Variants in GRIA2 observed in about 807,000 individuals in gnomAD.
The protein encoded by GRIA2 is glutamate receptor 2.
Under a neutral mutation model 97.3 loss-of-function variants are expected in GRIA2, and 14 were observed. The observed-to-expected ratio is 0.14, with a 90% CI of 0.10 to 0.23. The LOEUF (loss-of-function observed/expected upper bound fraction) is 0.23. GRIA2 is among the 10% of genes least tolerant of loss of function. The probability of loss-of-function intolerance (pLI) is 1.00; values close to 1 mark genes in which losing one functional copy is unlikely to be tolerated. For missense variants in GRIA2, 558 were observed against 1,069.8 expected, an observed-to-expected ratio of 0.52 and a Z score of 6.67; for synonymous variants, 412 against 387.8, an observed-to-expected ratio of 1.06 and a Z score of -0.73.
At chr4:157,335,405 T>C in intron 9 of GRIA2, 2 of 453,348 alleles carry the variant, frequency 4.4e-6, no homozygotes, top group Non-Finnish European at 8.1e-6. Flanking sequence ...CTAGAGAACA[T>C]ACAAAGAGTT....
chr4:157,333,849 A>C (rs143875645), intron 8 of GRIA2, among the ~76,000 whole-genome samples, 161 bp from the exon 9 acceptor site: 6 of 152,190 alleles, frequency 3.9e-5, no homozygotes, highest in Admixed American at 1.3e-4. Flanking sequence ...ACTTCCTTTT[A>C]TTCCTGTTAG....
Position 157,303,797 on chromosome 4 carries a change from T to C in GRIA2, c.469+6T>C. The C allele has an allele frequency of 6.2e-7, 1 of 1,613,110 alleles. No homozygotes were observed. The highest frequency in any genetic ancestry group is 8.5e-7 in the Non-Finnish European group (1 of 1,179,106). On this transcript the variant is annotated splice_donor_region_variant and intron_variant, in intron 3 of 15. Transcript: ENST00000264426. ...CCTCTATGACAGTGACAGAGGTAAG[T>C]GACAGTATCTCATCTCTTTGTAATG...
chr4:157,313,846 C>A (rs986261146), intron 4 of GRIA2, among the ~76,000 whole-genome samples: 7 of 151,988 alleles, frequency 4.6e-5, no homozygotes, highest in African/African-American at 7.3e-5. Context: ...AGAAGCCTTA[C>A]AGATAACACA....
At chr4:157,248,987 AAC>A (rs1216439220) in intron 2 of GRIA2, among the ~76,000 whole-genome samples, 6 of 151,814 alleles carry the variant, frequency 4.0e-5, no homozygotes, top group Admixed American at 1.3e-4. Flanking sequence ...ATAGGCGTGC[AAC>A]ACCACACCTG....
chr4:157,250,663 C>T (rs1173375560), intron 2 of GRIA2, among the ~76,000 whole-genome samples: 1 of 152,046 alleles, frequency 6.6e-6, no homozygotes, highest in African/African-American at 2.4e-5. Flanking sequence ...ATAAACTTCA[C>T]TCCCAAGTTA....
chr4:157,305,896 T>TA (rs1733821146), intron 3 of GRIA2, among the ~76,000 whole-genome samples: 1 of 152,094 alleles, frequency 6.6e-6, no homozygotes, highest in South Asian at 2.1e-4. Flanking sequence ...GGTGTGGCAA[T>TA]AAGCTCCAGG....
chr4:157,306,527 C>G (rs1339036575), intron 3 of GRIA2, among the ~76,000 whole-genome samples: 2 of 151,920 alleles, frequency 1.3e-5, no homozygotes. Flanking sequence ...TATATTAAAG[C>G]CAAAATGACC....
rs531945645 is a variant in GRIA2, at chr4:157,311,340, T to A, written c.470-1339T>A. Among the ~76,000 whole-genome samples, 448 of 152,156 alleles carry A rather than the reference T, an allele frequency of 2.9e-3. 1 individual carries two copies. The highest frequency in any genetic ancestry group is 0.01 in the African/African-American group (425 of 41,566). ...TTTATTATTCTAATTAATATTCAAA[T>A]GTTCCCATCTTTATTTAAAGAGCTC... On this transcript the variant is annotated intron_variant, in intron 3 of 15. Transcript: ENST00000264426.
At position 157,335,756 on chromosome 4, in the gene GRIA2, C is replaced by G. The variant is rs758475518; in HGVS notation, c.1352C>G (p.Ala451Gly). The G allele has an allele frequency of 6.2e-7, 1 of 1,612,334 alleles. No individual in the cohort carries two copies. Among genetic ancestry groups the G allele is most frequent in the Non-Finnish European group, 8.5e-7 (1 of 1,178,676 alleles). Residue 451 changes from alanine to glycine, a missense_variant, in exon 10 of 16, where the codon GCA (alanine) becomes GGA (glycine). By Grantham distance (60) the Ala-to-Gly change is moderately conservative (BLOSUM62 0). Coordinates refer to ENST00000264426, the MANE Select transcript of GRIA2 (RefSeq NM_001083619.3). ...RYEGYCVDLA[A>G]EIAKHCGFKY... ...GAGGGCTACTGTGTTGACCTGGCTGCAGAAATCGCCAAACATTGTGGGTTC... is the reference window on the plus strand; with the variant it reads ...GAGGGCTACTGTGTTGACCTGGCTGGAGAAATCGCCAAACATTGTGGGTTC...
intron 6 of GRIA2, among the ~76,000 whole-genome samples, chr4:157,326,040 C>T (rs1734789954): frequency 6.6e-6 from 1 of 152,160 alleles, no homozygotes; most frequent in Admixed American, 6.6e-5. Flanking sequence ...CACCCAGTCC[C>T]ATGGAGCCAC....
At chr4:157,265,360 G>T (rs1731723264) in intron 2 of GRIA2, among the ~76,000 whole-genome samples, 1 of 152,124 alleles carries the variant, frequency 6.6e-6, no homozygotes, top group Non-Finnish European at 1.5e-5. Context: ...GCATGAATCT[G>T]TAGGTTTACA....
chr4:157,296,132 T>C (rs1733338687), intron 2 of GRIA2, among the ~76,000 whole-genome samples: 1 of 152,192 alleles, frequency 6.6e-6, no homozygotes, highest in African/African-American at 2.4e-5. Flanking sequence ...ACAAAATGTA[T>C]ATGGAAATCT....
At chr4:157,222,127 G>A (rs1023574136) in intron 2 of GRIA2, among the ~76,000 whole-genome samples, 19 of 152,104 alleles carry the variant, frequency 1.2e-4, no homozygotes, top group African/African-American at 4.1e-4. Flanking sequence ...GAGTGCTTCA[G>A]GAGAAGCCCT....
intron 12 of GRIA2, among the ~76,000 whole-genome samples, chr4:157,344,795 A>G (rs772849001): frequency 4.6e-5 from 7 of 152,106 alleles, no homozygotes; most frequent in Admixed American, 1.3e-4. Context: ...CATCGCAGAC[A>G]TGGATTTGAG....
intron 5 of GRIA2, among the ~76,000 whole-genome samples, chr4:157,318,826 A>G (rs183030407): frequency 6.6e-6 from 1 of 152,296 alleles, no homozygotes; most frequent in East Asian, 1.9e-4. Context: ...AAATAGCATA[A>G]TAGGACTTTG....
At chr4:157,315,096 A>G (rs895974758) in intron 4 of GRIA2, among the ~76,000 whole-genome samples, 13 of 152,208 alleles carry the variant, frequency 8.5e-5, no homozygotes, top group Non-Finnish European at 1.5e-4. Context: ...GCTTGGATTC[A>G]TTCATTTATT....
At chr4:157,274,582 T>C (rs572599941) in intron 2 of GRIA2, among the ~76,000 whole-genome samples, 12 of 147,056 alleles carry the variant, frequency 8.2e-5, no homozygotes, top group African/African-American at 3.0e-4. Context: ...GTGTTCTCAT[T>C]GTTCAATTCC....
At chr4:157,299,867 A>T (rs1383233798) in intron 2 of GRIA2, among the ~76,000 whole-genome samples, 2 of 152,208 alleles carry the variant, frequency 1.3e-5, no homozygotes, top group Non-Finnish European at 2.9e-5. Context: ...ATCTCAAAAC[A>T]TAAATGCAAT....
intron 2 of GRIA2, among the ~76,000 whole-genome samples, chr4:157,225,757 T>A (rs1729715254): frequency 6.6e-6 from 1 of 151,984 alleles, no homozygotes; most frequent in African/African-American, 2.4e-5. Flanking sequence ...TATGAGGGTA[T>A]TCCAGTAGTT....
Sources: allele counts gnomAD v4.1 joint callset (sites outside exome capture counted in the v4.1 genomes callset), GRCh38; gene constraint gnomAD v4.1.1; transcripts MANE v1.5; gene names NCBI Gene and HGNC (gene_info 2026-07-23, HGNC 2026-07-21).